The following MGAT4C variants were observed in gnomAD, a reference collection of about 807,000 sequenced individuals.
MGAT4C encodes the protein MGAT4 family member C.
In MGAT4C, 19 loss-of-function variants were observed where a neutral mutation model predicts 40.1. The observed-to-expected ratio is 0.47, with a 90% CI of 0.33 to 0.70. The LOEUF is 0.70. Ranked by LOEUF, MGAT4C falls within the 30% of genes least tolerant of loss-of-function variation. The pLI, the probability that MGAT4C is intolerant of heterozygous loss-of-function variation, is 0.02. For missense variants in MGAT4C, 491 were observed against 563.2 expected (o/e 0.87, Z 1.30); for synonymous variants, 181 against 187.1 (o/e 0.97, Z 0.27).
chr12:86,230,766 T>G (rs1467171826), intron 1 of MGAT4C, among the ~76,000 whole-genome samples: 1 of 152,120 alleles, frequency 6.6e-6, no homozygotes, highest in Non-Finnish European at 1.5e-5. Context: ...CTCTGCCACT[T>G]GCAGGGTAAA....
intron 2 of MGAT4C, among the ~76,000 whole-genome samples, chr12:86,666,133 A>G (rs375567815): frequency 6.6e-6 from 1 of 152,224 alleles, no homozygotes; most frequent in South Asian, 2.1e-4. Flanking sequence ...CTTAAAAAAT[A>G]TGAGGCGTGC....
intron 2 of MGAT4C, among the ~76,000 whole-genome samples, chr12:86,446,287 A>C (rs1957333135): frequency 6.6e-6 from 1 of 152,094 alleles, no homozygotes; most frequent in Non-Finnish European, 1.5e-5. Flanking sequence ...TCCAGTAAAA[A>C]AACAAAGTCA....
At chr12:86,401,287 GGT>G (rs10638406) in intron 3 of MGAT4C, among the ~76,000 whole-genome samples, 46 of 147,458 alleles carry the variant, frequency 3.1e-4, no homozygotes, top group Non-Finnish European at 4.8e-4. Flanking sequence ...TGTGTATGTG[GGT>G]GTGTGTGTGT....
At chr12:86,258,877 A>C (rs73398119), upstream of MGAT4C, among the ~76,000 whole-genome samples, 571 of 152,158 alleles carry the variant, frequency 3.8e-3, 3 homozygotes, top group African/African-American at 0.013. Context: ...ATAATGTACT[A>C]GAAATACTTC....
chr12:86,205,421 T>C (rs998703705), intron 1 of MGAT4C, among the ~76,000 whole-genome samples: 1 of 151,614 alleles, frequency 6.6e-6, no homozygotes, highest in African/African-American at 2.4e-5. Context: ...TATTTGAATA[T>C]GGAGTTTGAA....
chr12:86,606,025 C>A (rs1962030708), intron 2 of MGAT4C, among the ~76,000 whole-genome samples: 1 of 152,064 alleles, frequency 6.6e-6, no homozygotes, highest in African/African-American at 2.4e-5. Context: ...AAGCAAGACA[C>A]CTTCTTTACA....
chr12:86,616,731 A>G (rs956786956), intron 2 of MGAT4C, among the ~76,000 whole-genome samples: 1 of 151,900 alleles, frequency 6.6e-6, no homozygotes, highest in Non-Finnish European at 1.5e-5. Flanking sequence ...TCCAAGTTCA[A>G]CGAAAACAGT....
chr12:86,091,936 G>C (rs530144052), intron 1 of MGAT4C, among the ~76,000 whole-genome samples: 8 of 152,032 alleles, frequency 5.3e-5, no homozygotes, highest in Non-Finnish European at 7.4e-5. Context: ...AGGCACTAAG[G>C]CATGCTTTCT....
At chr12:86,240,033 AAAAAAT>A (rs751751805) in intron 1 of MGAT4C, among the ~76,000 whole-genome samples, 10,664 of 51,098 alleles carry the variant, frequency 0.21, 535 homozygotes, top group Middle Eastern at 0.43. Flanking sequence ...TAATAAAAAA[AAAAAAT>A]AAAAAATAAA....
chr12:86,632,350 A>G (rs1466834401), intron 2 of MGAT4C, among the ~76,000 whole-genome samples: 1 of 152,184 alleles, frequency 6.6e-6, no homozygotes, highest in Admixed American at 6.5e-5. Context: ...CAGTGTGGCG[A>G]TTCCTCAAGG....
chr12:86,519,371 T>G (rs1958751355), intron 2 of MGAT4C, among the ~76,000 whole-genome samples: 1 of 152,132 alleles, frequency 6.6e-6, no homozygotes, highest in Admixed American at 6.6e-5. Flanking sequence ...AATATGGGAG[T>G]GCAGATATCT....
At chr12:86,233,116 T>TTATCTATCATA (rs1951396711) in intron 1 of MGAT4C, among the ~76,000 whole-genome samples, 1 of 152,212 alleles carries the variant, frequency 6.6e-6, no homozygotes, top group Non-Finnish European at 1.5e-5. Context: ...ATTTATTCTG[T>TTATCTATCATA]TGTATCATAT....
At position 86,746,386 on chromosome 12, in the gene MGAT4C, T is replaced by G; in HGVS notation, c.-261-19145A>C. ...GCTTTTGGTGATCTGTTATTTATGT[T>G]GCTCAGGAGACCACAAGTATAATTT... On this transcript the variant is annotated intron_variant, in intron 1 of 7. Transcript: ENST00000548651. 1.3e-5 allele frequency among the ~76,000 whole-genome samples: 2 copies of G among 151,718 alleles called. 1 individual carries two copies. Among genetic ancestry groups the G allele is most frequent in the Middle Eastern group, 6.8e-3 (2 of 294 alleles).
intron 2 of MGAT4C, among the ~76,000 whole-genome samples, chr12:86,527,342 C>T (rs1430666767): frequency 6.6e-6 from 1 of 152,110 alleles, no homozygotes; most frequent in African/African-American, 2.4e-5. Context: ...TATCTCTTTT[C>T]CATTGGCCTA....
chr12:86,386,660 G>T, intron 3 of MGAT4C, among the ~76,000 whole-genome samples: 1 of 152,052 alleles, frequency 6.6e-6, no homozygotes, highest in Admixed American at 6.6e-5. Context: ...AAAGTAAAAT[G>T]ATAAGAAATT....
At chr12:86,674,750 A>G (rs1402135072) in intron 2 of MGAT4C, among the ~76,000 whole-genome samples, 1 of 152,170 alleles carries the variant, frequency 6.6e-6, no homozygotes, top group Non-Finnish European at 1.5e-5. Context: ...TGGTCTAATC[A>G]TCCAATGCAA....
chr12:86,565,898 C>T (rs565872174), intron 2 of MGAT4C, among the ~76,000 whole-genome samples: 11 of 152,264 alleles, frequency 7.2e-5, no homozygotes, highest in Admixed American at 5.2e-4. Context: ...GTAGAGGTTA[C>T]TCATGGGGTC....
Position 85,976,680 on chromosome 12 carries a change from GTATATATGTAT to G in MGAT4C, c.*2598_*2608del, listed in dbSNP as rs1884012163. 6.9e-6 allele frequency: 1 copy of G among 145,900 alleles called. No individual in the cohort carries two copies. Among genetic ancestry groups the G allele is most frequent in the Admixed American group, 6.9e-5 (1 of 14,496 alleles). 9.0% of individuals were successfully genotyped at this position (145,900 alleles called of 1,614,324 possible). A position where few individuals can be genotyped will look rare whatever the true frequency, so the allele number is the denominator to read the frequency against. ...ATATGTATATATATATTATATATAT[GTATATATGTAT>G]TATATATGTATATATATATAAACTT... is the stretch of plus-strand genomic sequence containing the variant. On this transcript the variant is annotated 3_prime_UTR_variant, in exon 5 of 5. Coordinates refer to ENST00000611864, the MANE Select transcript of MGAT4C (RefSeq NM_001351288.2).
intron 1 of MGAT4C, among the ~76,000 whole-genome samples, chr12:86,079,944 C>G (rs939366132): frequency 6.6e-6 from 1 of 151,898 alleles, no homozygotes; most frequent in Non-Finnish European, 1.5e-5. Flanking sequence ...AGGCCTCTCT[C>G]TCTCTCTTTC....
Sources: gnomAD v4.1 joint callset for allele counts (sites outside exome capture counted in the v4.1 genomes callset) on GRCh38, gnomAD v4.1.1 for gene constraint, MANE v1.5 for transcripts, NCBI Gene and HGNC (gene_info 2026-07-23, HGNC 2026-07-21) for gene names.